Variants in PTPRD observed in about 807,000 individuals in gnomAD.
The protein encoded by PTPRD is protein tyrosine phosphatase receptor type D, also known as receptor-type tyrosine-protein phosphatase delta.
A neutral mutation model predicts 214.5 loss-of-function variants in PTPRD; 34 were observed. That is an observed-to-expected ratio of 0.16 (90% CI 0.12 to 0.21). The LOEUF (loss-of-function observed/expected upper bound fraction) is 0.21, where lower values mean the gene tolerates loss of function less well. Ranked by LOEUF, PTPRD falls within the 10% of genes least tolerant of loss-of-function variation. The pLI is 1.00. For synonymous variants in PTPRD, 1,128 were observed against 845.7 expected (o/e 1.33, Z -5.79); for missense variants, 2,545 against 2,398.7 (o/e 1.06, Z -1.27).
chr9:8,653,045 C>A (rs2096844006), intron 12 of PTPRD, among the ~76,000 whole-genome samples: 1 of 152,148 alleles, frequency 6.6e-6, no homozygotes, highest in South Asian at 2.1e-4. Context: ...TTAAAGCTCT[C>A]TGTAGCACCT....
chr9:9,240,594 T>C (rs1317829180), intron 9 of PTPRD, among the ~76,000 whole-genome samples: 1 of 152,070 alleles, frequency 6.6e-6, no homozygotes, highest in Non-Finnish European at 1.5e-5. Flanking sequence ...TTGCTTGATA[T>C]TTTATACAAA....
chr9:8,515,231 C>T (rs2138200728), intron 21 of PTPRD, among the ~76,000 whole-genome samples: 1 of 152,298 alleles, frequency 6.6e-6, no homozygotes, highest in East Asian at 1.9e-4. Context: ...CCTCTTTGAT[C>T]TTCAATTTAC....
intron 2 of PTPRD, among the ~76,000 whole-genome samples, chr9:10,597,046 G>A (rs2076780065): frequency 6.6e-6 from 1 of 150,800 alleles, no homozygotes; most frequent in Non-Finnish European, 1.5e-5. Context: ...GTCCTATCTA[G>A]GTTATAGTCT....
intron 8 of PTPRD, among the ~76,000 whole-genome samples, chr9:9,527,153 GT>G (rs1321215511): frequency 2.0e-5 from 3 of 152,194 alleles, no homozygotes; most frequent in African/African-American, 7.2e-5. Context: ...ACTATTCAAA[GT>G]TTTGAGTTTA....
At chr9:10,448,277 C>T (rs756395639) in intron 2 of PTPRD, among the ~76,000 whole-genome samples, 38 of 151,918 alleles carry the variant, frequency 2.5e-4, no homozygotes, top group Non-Finnish European at 4.9e-4. Flanking sequence ...TTGGTGATAG[C>T]CTGGCTCTTG....
intron 3 of PTPRD, among the ~76,000 whole-genome samples, chr9:10,171,774 T>C (rs2099208918): frequency 6.6e-6 from 1 of 152,208 alleles, no homozygotes; most frequent in Admixed American, 6.5e-5. Context: ...CCACCCGCCG[T>C]GGCCTCCCAA....
At chr9:9,540,723 G>C (rs1006205010) in intron 8 of PTPRD, among the ~76,000 whole-genome samples, 1 of 151,762 alleles carries the variant, frequency 6.6e-6, no homozygotes, top group African/African-American at 2.4e-5. Flanking sequence ...AGGAAGTTGA[G>C]ATAAAATCTC....
intron 7 of PTPRD, among the ~76,000 whole-genome samples, chr9:9,686,134 G>A (rs1002659405): frequency 6.6e-6 from 1 of 151,100 alleles, no homozygotes; most frequent in Admixed American, 6.6e-5. Flanking sequence ...GATTTTTGTT[G>A]TTGCTGTTGT....
chr9:9,220,459 ACCTTGTTTTAATTTG>A (rs1300984063), intron 9 of PTPRD, among the ~76,000 whole-genome samples: 3 of 152,016 alleles, frequency 2.0e-5, no homozygotes, highest in Non-Finnish European at 4.4e-5. Context: ...GGTCTTGATA[ACCTTGTTTTAATTTG>A]CCTCCTTTGT....
intron 37 of PTPRD, 60 bp downstream of exon 37, chr9:8,389,172 G>A (rs2135622452): frequency 7.1e-7 from 1 of 1,417,710 alleles, no homozygotes; most frequent in African/African-American, 1.4e-5. Context: ...AATAAAATAT[G>A]CAACATAGGG....
At chr9:10,428,929 C>T (rs574069273) in intron 2 of PTPRD, among the ~76,000 whole-genome samples, 24 of 151,990 alleles carry the variant, frequency 1.6e-4, no homozygotes, top group African/African-American at 3.6e-4. Flanking sequence ...TCCTAAGTCA[C>T]GAAAGTTTCT....
intron 11 of PTPRD, among the ~76,000 whole-genome samples, chr9:8,973,157 T>C (rs898156515): frequency 2.0e-5 from 3 of 151,960 alleles, no homozygotes; most frequent in Non-Finnish European, 2.9e-5. Flanking sequence ...ATGAATATAT[T>C]GGACCCAGGG....
chr9:9,558,564 G>A (rs756257345), intron 8 of PTPRD, among the ~76,000 whole-genome samples: 2 of 152,100 alleles, frequency 1.3e-5, no homozygotes, highest in African/African-American at 4.8e-5. Context: ...ATGCAGGTCC[G>A]ATACATACAC....
chr9:9,043,599 A>G (rs970951928), intron 10 of PTPRD, among the ~76,000 whole-genome samples: 2 of 152,142 alleles, frequency 1.3e-5, no homozygotes, highest in African/African-American at 4.8e-5. Context: ...AAATGAAAGG[A>G]AAATGAGTAA....
At chr9:10,011,148 C>T (rs1281220709) in intron 4 of PTPRD, among the ~76,000 whole-genome samples, 2 of 151,956 alleles carry the variant, frequency 1.3e-5, no homozygotes, top group East Asian at 1.9e-4. Context: ...TTAAAAAGAA[C>T]ATAATCACAC....
At chr9:9,972,022 G>A (rs1353462566) in intron 4 of PTPRD, among the ~76,000 whole-genome samples, 1 of 151,938 alleles carries the variant, frequency 6.6e-6, no homozygotes, top group Non-Finnish European at 1.5e-5. Flanking sequence ...ACTTTAAAAA[G>A]TTTTTCTTCA....
chr9:8,622,584 G>T (rs1692008321), intron 14 of PTPRD, among the ~76,000 whole-genome samples: 5 of 151,884 alleles, frequency 3.3e-5, no homozygotes, highest in Admixed American at 3.3e-4. Context: ...TAGCTTCCTT[G>T]AAGGCAAGTG....
At chr9:10,212,237 A>C (rs544282481) in intron 3 of PTPRD, among the ~76,000 whole-genome samples, 1 of 152,230 alleles carries the variant, frequency 6.6e-6, no homozygotes, top group African/African-American at 2.4e-5. Flanking sequence ...TGTTTGTGCA[A>C]GCAAAAGAAA....
chr9:9,671,379 G>A (rs2096829475), intron 7 of PTPRD, among the ~76,000 whole-genome samples: 2 of 152,150 alleles, frequency 1.3e-5, no homozygotes, highest in African/African-American at 4.8e-5. Context: ...CTCATAGGCA[G>A]AAGGGATTTG....
Sources: gnomAD v4.1 joint callset for allele counts (sites outside exome capture counted in the v4.1 genomes callset) on GRCh38, gnomAD v4.1.1 for gene constraint, MANE v1.5 for transcripts, NCBI Gene and HGNC (gene_info 2026-07-23, HGNC 2026-07-21) for gene names.